PRMT2: variants seen among roughly 807,000 people sequenced by gnomAD.
PRMT2 encodes protein arginine methyltransferase 2.
Under a neutral mutation model 57.6 loss-of-function variants are expected in PRMT2, and 26 were observed. That is an observed-to-expected ratio of 0.45 (90% CI 0.33 to 0.63). The LOEUF (loss-of-function observed/expected upper bound fraction) is 0.63. Ranked by LOEUF, PRMT2 falls within the 20% of genes least tolerant of loss-of-function variation. PRMT2 has a pLI of 0.02. For missense variants in PRMT2, 472 were observed against 564.4 expected, an observed-to-expected ratio of 0.84 and a Z score of 1.66; for synonymous variants, 219 against 220.0, an observed-to-expected ratio of 1.00 and a Z score of 0.04.
chr21:46,661,960 G>A (rs746341893), intron 10 of PRMT2, 24 bp downstream of exon 10: 3 of 1,213,974 alleles, frequency 2.5e-6, no homozygotes, highest in South Asian at 6.2e-5. Context: ...GCGCGGGCAC[G>A]GGGTGCGGGG....
At chr21:46,653,934 TTG>T in intron 7 of PRMT2, 1 of 1,013,582 alleles carries the variant, frequency 9.9e-7, no homozygotes, top group Non-Finnish European at 1.2e-6. Flanking sequence ...TTTTCTTTTC[TTG>T]TTTTTTTTTT....
chr21:46,654,837 A>G, intron 7 of PRMT2: 2 of 948,338 alleles, frequency 2.1e-6, no homozygotes, highest in South Asian at 9.7e-5. Context: ...GGGTCCTGGA[A>G]CAAGTTCCCC....
intron 7 of PRMT2, among the ~76,000 whole-genome samples, chr21:46,650,566 A>G (rs920971676): frequency 5.9e-5 from 9 of 152,222 alleles, no homozygotes; most frequent in Non-Finnish European, 1.0e-4. Flanking sequence ...GAGCCATAAG[A>G]TGACACACAG....
At position 46,653,881 on chromosome 21, in the gene PRMT2, A is replaced by C. The variant is rs371536992; in HGVS notation, c.654+4142A>C. On this transcript the variant is annotated intron_variant, in intron 7 of 11. Transcript: ENST00000355680. Reference sequence around the variant, plus strand: ...CCAAGGTCTCTTCACCTCCTTCTACAACAATGCACTTTGTCTGCACTGGGA... The same window carrying C: ...CCAAGGTCTCTTCACCTCCTTCTACCACAATGCACTTTGTCTGCACTGGGA... 17 of 1,019,100 alleles carry C rather than the reference A, an allele frequency of 1.7e-5. No individual in the cohort carries two copies. The East Asian group carries it at 1.0e-3, about 62-fold the overall frequency. 63.1% of individuals were successfully genotyped at this position (1,019,100 alleles called of 1,614,324 possible).
At chr21:46,661,038 C>G in intron 9 of PRMT2, 76 bp downstream of exon 9, 2 of 1,455,254 alleles carry the variant, frequency 1.4e-6, no homozygotes, top group Non-Finnish European at 1.9e-6. Flanking sequence ...CCTGGCTTAT[C>G]AAAAACCTTC....
At chr21:46,660,463 A>T (rs1324219007) in intron 8 of PRMT2, among the ~76,000 whole-genome samples, 1 of 152,186 alleles carries the variant, frequency 6.6e-6, no homozygotes, top group East Asian at 1.9e-4. Flanking sequence ...ACATTCTAAA[A>T]CTAGGCAAGA....
chr21:46,662,103 C>A (rs1010620074), intron 10 of PRMT2, among the ~76,000 whole-genome samples, 167 bp downstream of exon 10: 1 of 151,156 alleles, frequency 6.6e-6, no homozygotes, highest in South Asian at 2.1e-4. Flanking sequence ...CATGGGGGCA[C>A]GGGTGGTGTA....
Position 46,649,366 on chromosome 21 carries a change from T to G in PRMT2, c.490-209T>G, listed in dbSNP as rs1017825988. 2.8e-6 allele frequency: 2 copies of G among 715,124 alleles called. No homozygotes were observed. Among genetic ancestry groups the G allele is most frequent in the South Asian group, 1.6e-5 (1 of 62,232 alleles). 44.3% of individuals were successfully genotyped at this position (715,124 alleles called of 1,614,324 possible). On this transcript the variant is annotated intron_variant, in intron 6 of 11. Coordinates refer to ENST00000355680, the MANE Select transcript of PRMT2 (RefSeq NM_206962.4). This position sits in a 1 kb window ranked among gnomAD's most constrained non-coding sequence, Gnocchi z 4.8. ...CTGCGTCTGTGTCTTGTCCGGGAGG[T>G]GGGGGCAGTTGGGAGGGTTAGAGGC...
chr21:46,648,608 C>A lies in PRMT2; in HGVS notation c.478C>A (p.Arg160=). 1 of 1,612,640 alleles carries A rather than the reference C, an allele frequency of 6.2e-7. No individual in the cohort carries two copies. Among genetic ancestry groups the A allele is most frequent in the Non-Finnish European group, 8.5e-7 (1 of 1,178,736 alleles). The change falls in exon 6 of 12, where the codon CGG becomes AGG. Residue 160 remains arginine, a synonymous_variant. Transcript: ENST00000355680. The surrounding 1 kb of genome is among the most constrained non-coding windows in gnomAD (Gnocchi z 4.8). ...CAGTCTCTTCTGTGCACACTATGCG[C>A]GGCCTAGAGCGGTGAGTGGGGTCTC... ...IISLFCAHYA[R]PRAVYAVEAS...
intron 9 of PRMT2, chr21:46,661,449 G>A (rs555264678): frequency 1.1e-5 from 2 of 178,602 alleles, no homozygotes; most frequent in African/African-American, 4.7e-5. Flanking sequence ...GTCTGGAGAT[G>A]GGGCGGGCGC....
At chr21:46,646,129 G>GGCT (rs759985388) in intron 5 of PRMT2, among the ~76,000 whole-genome samples, 3 of 152,160 alleles carry the variant, frequency 2.0e-5, no homozygotes, top group Non-Finnish European at 4.4e-5. Context: ...GGACCAGCGT[G>GGCT]GCTGAGTCAG....
At position 46,648,644 on chromosome 21, in the gene PRMT2, C is replaced by T. The variant is rs202013272; in HGVS notation, c.489+25C>T. The stretch of plus-strand genomic sequence containing the variant: ...GGTGAGTGGGGTCTCGAGCGCATCC[C>T]GGGTGTTTGTGCCGAGGCTGGTGAC... On this transcript the variant is annotated intron_variant, in intron 6 of 11. Transcript: ENST00000355680. This position sits in a 1 kb window ranked among gnomAD's most constrained non-coding sequence, Gnocchi z 4.8. The T allele has an allele frequency of 9.3e-6, 15 of 1,605,236 alleles. No individual in the cohort carries two copies. Among genetic ancestry groups the T allele is most frequent in the East Asian group, 9.0e-5 (4 of 44,624 alleles).
At chr21:46,636,866 C>T (rs966893494) in intron 2 of PRMT2, 30 bp from the exon 3 acceptor site, 2 of 1,382,520 alleles carry the variant, frequency 1.4e-6, no homozygotes, top group African/African-American at 1.5e-5. Context: ...GTAACAAGTA[C>T]TTTGTGTCTC....
intron 8 of PRMT2, chr21:46,659,975 TG>T (rs2092848730): frequency 6.1e-6 from 6 of 983,672 alleles, no homozygotes; most frequent in Non-Finnish European, 7.2e-6. Context: ...TAAATATGTC[TG>T]GGGGATAAAA....
intron 7 of PRMT2, chr21:46,652,008 G>A (rs1461541930): frequency 4.3e-6 from 7 of 1,613,106 alleles, no homozygotes; most frequent in East Asian, 2.2e-5. Context: ...CTACTCTGAC[G>A]CTGACATGTA....
At position 46,649,750 on chromosome 21, in the gene PRMT2, G is replaced by C; in HGVS notation, c.654+11G>C. 1 of 1,610,920 alleles carries C rather than the reference G, an allele frequency of 6.2e-7. No individual in the cohort carries two copies. The highest frequency in any genetic ancestry group is 8.5e-7 in the Non-Finnish European group (1 of 1,178,676). On this transcript the variant is annotated intron_variant, in intron 7 of 11. Coordinates refer to ENST00000355680, the MANE Select transcript of PRMT2 (RefSeq NM_206962.4). This position sits in a 1 kb window ranked among gnomAD's most constrained non-coding sequence, Gnocchi z 4.8. Reference sequence around the variant, plus strand: ...GGGACCTGCCTGCTGGTGAGGGCGGGCGTGCGGGCAGCTGGGGGCCGGAGC... The same window carrying C: ...GGGACCTGCCTGCTGGTGAGGGCGGCCGTGCGGGCAGCTGGGGGCCGGAGC...
rs1302806549 is a variant in PRMT2 at position 46,648,895 on chromosome 21, C to T, written c.489+276C>T. On this transcript the variant is annotated intron_variant, in intron 6 of 11. Coordinates refer to ENST00000355680, the MANE Select transcript of PRMT2 (RefSeq NM_206962.4). This position sits in a 1 kb window ranked among gnomAD's most constrained non-coding sequence, Gnocchi z 4.8. ...ACAATATCCCGTGAATTGCGTGGGG[C>T]GGGGTATGTTCTGTGAGACGTTTAT... Among the ~76,000 whole-genome samples, 5 of 152,234 alleles carry T rather than the reference C, an allele frequency of 3.3e-5. No homozygotes were observed. The highest frequency in any genetic ancestry group is 3.4e-3 in the Middle Eastern group (1 of 294).
At chr21:46,663,948 G>A (rs180682932) in intron 11 of PRMT2, among the ~76,000 whole-genome samples, 54 of 152,232 alleles carry the variant, frequency 3.5e-4, no homozygotes, top group East Asian at 1.5e-3. Context: ...TAGGCGTGTC[G>A]TCTGTGATGC....
chr21:46,636,919 A>G lies in PRMT2; in HGVS notation c.-33A>G. ...AGAAATGGAAAAGAAAATGAAATAA[A>G]TCAGCAGTTATGAGGCAGAGCCTAA... On this transcript the variant is annotated 5_prime_UTR_variant, in exon 3 of 12. Transcript: ENST00000355680. 1 of 1,601,162 alleles carries G rather than the reference A, an allele frequency of 6.2e-7. No individual in the cohort carries two copies. The highest frequency in any genetic ancestry group is 1.3e-5 in the African/African-American group (1 of 74,274).
Sources: gnomAD v4.1 joint callset for allele counts (sites outside exome capture counted in the v4.1 genomes callset) on GRCh38, gnomAD v4.1.1 for gene constraint, Gnocchi (gnomAD v3.1) non-coding constraint, MANE v1.5 for transcripts, NCBI Gene and HGNC (gene_info 2026-07-23, HGNC 2026-07-21) for gene names.